GRIA4: variants seen among roughly 807,000 people sequenced by gnomAD.
GRIA4 encodes the protein glutamate receptor 4.
In GRIA4, 34 loss-of-function variants were observed where a neutral mutation model predicts 104.0. The observed-to-expected ratio is 0.33, with a 90% CI of 0.25 to 0.44. The LOEUF is 0.44. Ranked by LOEUF, GRIA4 falls within the 20% of genes least tolerant of loss-of-function variation. The pLI, the probability that GRIA4 is intolerant of heterozygous loss-of-function variation, is 1.00. For synonymous variants in GRIA4, 386 were observed against 381.9 expected, an observed-to-expected ratio of 1.01 and a Z score of -0.13; for missense variants, 750 against 1,096.5, an observed-to-expected ratio of 0.68 and a Z score of 4.46.
Position 105,862,130 on chromosome 11 carries a change from A to G in GRIA4, c.594A>G (p.Leu198=), listed in dbSNP as rs868422156. The part of the protein sequence containing the change: ...NFNDVSYRQL[L]EELDRRQEKK... ...ATGATGTCAGCTATAGGCAACTTCT[A>G]GAAGAACTTGACAGAAGACAAGAGA... Residue 198 remains leucine (L), a synonymous_variant, in exon 5 of 17, where the codon CTA becomes CTG. Transcript: ENST00000282499. The G allele has an allele frequency of 6.2e-6, 10 of 1,608,060 alleles. No individual in the cohort carries two copies. The highest frequency in any genetic ancestry group is 4.0e-5 in the African/African-American group (3 of 74,850).
At chr11:105,845,917 A>G (rs888227919) in intron 4 of GRIA4, among the ~76,000 whole-genome samples, 1 of 152,094 alleles carries the variant, frequency 6.6e-6, no homozygotes, top group Non-Finnish European at 1.5e-5. Context: ...CAAACAAACA[A>G]AAACTATCCC....
chr11:105,871,576 G>T (rs1032065429), intron 5 of GRIA4, among the ~76,000 whole-genome samples: 1 of 151,446 alleles, frequency 6.6e-6, no homozygotes, highest in African/African-American at 2.4e-5. Context: ...TATAAAGACA[G>T]GGTATCTACT....
At chr11:105,884,949 G>C (rs1438810668) in intron 5 of GRIA4, among the ~76,000 whole-genome samples, 1 of 151,944 alleles carries the variant, frequency 6.6e-6, no homozygotes, top group Non-Finnish European at 1.5e-5. Flanking sequence ...ATCACAAGCT[G>C]AGAGTGTTAA....
At chr11:105,785,274 CA>C (rs2135785549) in intron 4 of GRIA4, among the ~76,000 whole-genome samples, 1 of 152,204 alleles carries the variant, frequency 6.6e-6, no homozygotes, top group South Asian at 2.1e-4. Context: ...TACAATCCAT[CA>C]ATACCATATT....
At chr11:105,845,344 G>T (rs1045229842) in intron 4 of GRIA4, among the ~76,000 whole-genome samples, 1 of 152,116 alleles carries the variant, frequency 6.6e-6, no homozygotes, top group Non-Finnish European at 1.5e-5. Flanking sequence ...GGACCAGGAA[G>T]AATCTATTGG....
intron 3 of GRIA4, among the ~76,000 whole-genome samples, chr11:105,725,976 CA>C (rs1938177946): frequency 6.6e-6 from 1 of 152,154 alleles, no homozygotes; most frequent in Admixed American, 6.5e-5. Flanking sequence ...GCTCTTTGGG[CA>C]GACACTGAGC....
intron 3 of GRIA4, among the ~76,000 whole-genome samples, chr11:105,708,667 T>C (rs1298733821): frequency 1.3e-5 from 2 of 152,048 alleles, no homozygotes; most frequent in African/African-American, 4.8e-5. Flanking sequence ...CTGTAACTAC[T>C]TTATATGTAT....
chr11:105,623,984 T>C (rs1207309041), intron 3 of GRIA4, among the ~76,000 whole-genome samples: 1 of 152,108 alleles, frequency 6.6e-6, no homozygotes, highest in African/African-American at 2.4e-5. Flanking sequence ...TTCATTCATC[T>C]TTGGGGCATC....
chr11:105,634,948 C>T (rs1222922159), intron 3 of GRIA4, among the ~76,000 whole-genome samples: 5 of 152,100 alleles, frequency 3.3e-5, no homozygotes, highest in Admixed American at 2.0e-4. Context: ...AATTTGGGAG[C>T]GGTGTTTGAG....
chr11:105,629,714 A>C (rs920882192), intron 3 of GRIA4, among the ~76,000 whole-genome samples: 1 of 152,148 alleles, frequency 6.6e-6, no homozygotes, highest in African/African-American at 2.4e-5. Context: ...AAAATGTTGA[A>C]TTTGTCTTGC....
intron 4 of GRIA4, among the ~76,000 whole-genome samples, chr11:105,844,609 T>C (rs1185971964): frequency 1.3e-5 from 2 of 152,224 alleles, no homozygotes; most frequent in Non-Finnish European, 2.9e-5. Context: ...TCTTTGTACA[T>C]TTTTAGGACT....
At chr11:105,970,339 G>A (rs893683367) in intron 14 of GRIA4, among the ~76,000 whole-genome samples, 4 of 151,932 alleles carry the variant, frequency 2.6e-5, no homozygotes, top group African/African-American at 9.7e-5. Flanking sequence ...AAAAAAATGG[G>A]TTTTAGTTTA....
chr11:105,829,185 A>G (rs1336893076), intron 4 of GRIA4, among the ~76,000 whole-genome samples: 1 of 151,916 alleles, frequency 6.6e-6, no homozygotes, highest in Non-Finnish European at 1.5e-5. Context: ...GCTCATTAAG[A>G]CTTAGTAATT....
intron 14 of GRIA4, among the ~76,000 whole-genome samples, chr11:105,957,201 T>C (rs1236845306): frequency 6.6e-6 from 1 of 152,226 alleles, no homozygotes; most frequent in Non-Finnish European, 1.5e-5. Flanking sequence ...ATGTCCTGTA[T>C]GGTATTCCCT....
Position 105,924,536 on chromosome 11 carries a change from C to T in GRIA4, c.1614C>T (p.Ser538=), listed in dbSNP as rs1418059106. 2.5e-6 allele frequency: 4 copies of T among 1,613,188 alleles called. No homozygotes were observed. Among genetic ancestry groups the T allele is most frequent in the African/African-American group, 2.7e-5 (2 of 74,844 alleles). The change falls in exon 12 of 17, where the codon TCC becomes TCT. Residue 538 remains serine, a synonymous_variant. Coordinates refer to ENST00000282499, the MANE Select transcript of GRIA4 (RefSeq NM_000829.4). ...KPQKSKPGVF[S]FLDPLAYEIW... ...AGAAATCCAAACCAGGAGTGTTTTCCTTCTTGGATCCTCTGGCCTATGAGA... is the reference window on the plus strand; with the variant it reads ...AGAAATCCAAACCAGGAGTGTTTTCTTTCTTGGATCCTCTGGCCTATGAGA...
chr11:105,612,208 G>A lies in GRIA4; in HGVS notation c.89-68G>A, dbSNP rs1296727823. On this transcript the variant is annotated intron_variant, in intron 2 of 16. Transcript: ENST00000282499. ...CTTGTGAATGGCAGTAGATTTGACT[G>A]TGCTTGGGGTGGGTATAATGTTGAC... is the stretch of plus-strand genomic sequence containing the variant. The A allele has an allele frequency of 4.9e-6, 7 of 1,427,888 alleles. No homozygotes were observed. The East Asian group carries it at 1.6e-4, about 32-fold the overall frequency. The allele number at this position is 1,427,888 out of a possible 1,614,324, so 88.5% of individuals were successfully genotyped here.
intron 2 of GRIA4, 42 bp from the exon 3 acceptor site, chr11:105,612,234 A>G (rs1214681515): frequency 2.5e-6 from 4 of 1,598,950 alleles, no homozygotes; most frequent in Non-Finnish European, 3.4e-6. Context: ...TAATGTTGAC[A>G]AGAGGAAACA....
At chr11:105,903,519 G>A (rs1245907972) in intron 7 of GRIA4, among the ~76,000 whole-genome samples, 1 of 152,164 alleles carries the variant, frequency 6.6e-6, no homozygotes, top group African/African-American at 2.4e-5. Flanking sequence ...ACAACAGAAA[G>A]GCCTTGCCTA....
intron 4 of GRIA4, among the ~76,000 whole-genome samples, chr11:105,756,069 A>G (rs1167835180): frequency 1.3e-5 from 2 of 152,124 alleles, no homozygotes; most frequent in South Asian, 2.1e-4. Flanking sequence ...CTCTTTATGT[A>G]TCTGTATATA....
Sources: gnomAD v4.1 joint callset for allele counts (sites outside exome capture counted in the v4.1 genomes callset) on GRCh38, gnomAD v4.1.1 for gene constraint, MANE v1.5 for transcripts, NCBI Gene and HGNC (gene_info 2026-07-23, HGNC 2026-07-21) for gene names.